SLC6A4: variants seen among roughly 807,000 people sequenced by gnomAD.
SLC6A4 encodes the protein solute carrier family 6 member 4, also known as sodium-dependent serotonin transporter.
Under a neutral mutation model 73.4 loss-of-function variants are expected in SLC6A4, and 22 were observed. The observed-to-expected ratio is 0.30, with a 90% CI of 0.21 to 0.43. SLC6A4 has a LOEUF of 0.43. SLC6A4 is among the 20% of genes least tolerant of loss of function. The probability of loss-of-function intolerance (pLI) is 1.00; values close to 1 mark genes in which losing one functional copy is unlikely to be tolerated. For missense variants in SLC6A4, 593 were observed against 808.5 expected (o/e 0.73, Z 3.23); for synonymous variants, 270 against 315.5 (o/e 0.86, Z 1.53).
rs1039655749 is a variant in SLC6A4, at chr17:30,211,127, A to G, written c.1317+185T>C. On this transcript the variant is annotated intron_variant, in intron 10 of 14. Coordinates refer to ENST00000650711, the MANE Select transcript of SLC6A4 (RefSeq NM_001045.6). This position sits in a 1 kb window ranked among gnomAD's most constrained non-coding sequence, Gnocchi z 4.0. ...CCTGGCGCTTGACCCACTTTATCCC[A>G]TTAATGACTCGAATGTACCAGAGGG... 6.6e-6 allele frequency among the ~76,000 whole-genome samples: 1 copy of G among 152,188 alleles called. No homozygotes were observed. The highest frequency in any genetic ancestry group is 1.5e-5 in the Non-Finnish European group (1 of 68,034).
chr17:30,226,845 C>T (rs1906939746), intron 1 of SLC6A4, among the ~76,000 whole-genome samples: 1 of 135,778 alleles, frequency 7.4e-6, no homozygotes, highest in African/African-American at 3.1e-5. Flanking sequence ...TGCGCTCCAG[C>T]CTGGGCGATA....
intron 5 of SLC6A4, among the ~76,000 whole-genome samples, 197 bp from the exon 6 acceptor site, chr17:30,217,501 T>C (rs568758103): frequency 6.6e-6 from 1 of 152,352 alleles, no homozygotes; most frequent in South Asian, 2.1e-4. Context: ...GCCAACACCC[T>C]GGGAAGAGTG....
chr17:30,217,087 G>A, intron 6 of SLC6A4, 79 bp downstream of exon 6: 1 of 1,258,948 alleles, frequency 7.9e-7, no homozygotes, highest in Non-Finnish European at 1.1e-6. Context: ...AGTGCTGTCT[G>A]TCCAGGCTAC....
At chr17:30,230,098 G>GAAGAAGACGAAGAAGAA (rs1555591454) in intron 1 of SLC6A4, among the ~76,000 whole-genome samples, 1 of 89,558 alleles carries the variant, frequency 1.1e-5, no homozygotes, top group African/African-American at 4.5e-5. Context: ...AAGAAGAAGA[G>GAAGAAGACGAAGAAGAA]GAGGAAGAGG....
intron 3 of SLC6A4, among the ~76,000 whole-genome samples, chr17:30,220,086 A>C (rs1238739871): frequency 6.6e-6 from 1 of 152,188 alleles, no homozygotes; most frequent in Non-Finnish European, 1.5e-5. Flanking sequence ...CCTCCTAGGC[A>C]GGAAGCGCTG....
chr17:30,225,572 T>C (rs1019166407), intron 1 of SLC6A4, among the ~76,000 whole-genome samples: 5 of 152,308 alleles, frequency 3.3e-5, no homozygotes, highest in African/African-American at 1.2e-4. Context: ...ACGAGGTCAA[T>C]ATTACAGCTG....
chr17:30,228,856 C>T (rs937036158), intron 1 of SLC6A4, among the ~76,000 whole-genome samples: 2 of 152,192 alleles, frequency 1.3e-5, no homozygotes, highest in Non-Finnish European at 2.9e-5. Flanking sequence ...GCTTCGTGTG[C>T]CCCTGGAAGC....
chr17:30,221,108 C>T (rs1487961530), intron 3 of SLC6A4, among the ~76,000 whole-genome samples: 4 of 151,070 alleles, frequency 2.6e-5, no homozygotes, highest in Non-Finnish European at 4.4e-5. Context: ...TCCCAAGTAG[C>T]TGGGACTACA....
At chr17:30,202,885 G>A (rs184777758) in intron 14 of SLC6A4, among the ~76,000 whole-genome samples, 16 of 152,294 alleles carry the variant, frequency 1.1e-4, no homozygotes, top group Non-Finnish European at 1.8e-4. Context: ...AGGAGGCAGG[G>A]TAGTTGTCTG....
chr17:30,202,695 A>T (rs1348855887), intron 14 of SLC6A4, among the ~76,000 whole-genome samples: 1 of 152,226 alleles, frequency 6.6e-6, no homozygotes, highest in African/African-American at 2.4e-5. Flanking sequence ...GATAGCTAAT[A>T]ATTTTGATCT....
At chr17:30,203,139 AAC>A (rs750734676) in intron 14 of SLC6A4, 31 bp downstream of exon 14, 14 of 1,545,664 alleles carry the variant, frequency 9.1e-6, no homozygotes, top group Middle Eastern at 3.4e-4. Context: ...TAGTAGTCTG[AAC>A]ACACACATAT....
In SLC6A4 at chr17:30,217,322, GA is replaced by G. The variant is rs1353257707; in HGVS notation, c.699-19del. The G allele has an allele frequency of 1.2e-6, 2 of 1,611,382 alleles. No individual in the cohort carries two copies. Among genetic ancestry groups the G allele is most frequent in the East Asian group, 2.2e-5 (1 of 44,878 alleles). On this transcript the variant is annotated intron_variant, in intron 5 of 14. Coordinates refer to ENST00000650711, the MANE Select transcript of SLC6A4 (RefSeq NM_001045.6). ...CGTGGCGCCTGGGGTGAAGGAGAAA[GA>G]AAGGCCCCTGAGAGGCTCTGTAGAG...
rs1057334214 is a variant in SLC6A4, at chr17:30,223,854, C to G, written c.-220-939G>C. 2.0e-5 allele frequency among the ~76,000 whole-genome samples: 3 copies of G among 152,088 alleles called. No individual in the cohort carries two copies. The South Asian group carries it at 6.2e-4, about 32-fold the overall frequency. ...CTACTGCCTGGCCTTGGCCTCCCCC[C>G]ACTTCCCCCTTCCTTCGGCCCTCAA... is the stretch of plus-strand genomic sequence containing the variant. On this transcript the variant is annotated intron_variant, in intron 1 of 14. Coordinates refer to ENST00000650711, the MANE Select transcript of SLC6A4 (RefSeq NM_001045.6).
intron 8 of SLC6A4, among the ~76,000 whole-genome samples, chr17:30,213,453 C>T (rs540241878): frequency 6.6e-5 from 10 of 152,132 alleles, no homozygotes; most frequent in African/African-American, 1.9e-4. Context: ...CAGGCGCCCA[C>T]GACCACGCCT....
chr17:30,200,301 T>C (rs573042900), intron 14 of SLC6A4, among the ~76,000 whole-genome samples: 1 of 152,390 alleles, frequency 6.6e-6, no homozygotes, highest in South Asian at 2.1e-4. Flanking sequence ...ACCGTTGTGC[T>C]GGAAATTTGC....
chr17:30,207,926 G>A, intron 12 of SLC6A4, 94 bp from the exon 13 acceptor site: 2 of 862,182 alleles, frequency 2.3e-6, no homozygotes, highest in Middle Eastern at 2.3e-4. Context: ...AGAGTCACAG[G>A]ATCAGCACTG....
chr17:30,220,620 C>T (rs892717006), intron 3 of SLC6A4, among the ~76,000 whole-genome samples: 11 of 152,208 alleles, frequency 7.2e-5, no homozygotes, highest in Admixed American at 3.3e-4. Flanking sequence ...TAGGACTTAA[C>T]GCTGATGCCC....
chr17:30,215,904 A>G (rs1248881525), intron 7 of SLC6A4, among the ~76,000 whole-genome samples, 178 bp downstream of exon 7: 2 of 152,206 alleles, frequency 1.3e-5, no homozygotes, highest in African/African-American at 4.8e-5. Flanking sequence ...TGATTCAGGC[A>G]TAAACCCATC....
chr17:30,210,694 T>C, intron 10 of SLC6A4, 48 bp from the exon 11 acceptor site: 2 of 1,581,338 alleles, frequency 1.3e-6, no homozygotes, highest in Non-Finnish European at 8.6e-7. Context: ...GGGACAAGGC[T>C]GTGGCCTTCA....
Sources: allele counts gnomAD v4.1 joint callset (sites outside exome capture counted in the v4.1 genomes callset), GRCh38; gene constraint gnomAD v4.1.1; non-coding constraint Gnocchi (gnomAD v3.1); transcripts MANE v1.5; gene names NCBI Gene and HGNC (gene_info 2026-07-23, HGNC 2026-07-21).